Variants in KLC1 observed in about 807,000 individuals in gnomAD.
KLC1 encodes the protein kinesin light chain 1, also known as kinesin 2 60/70kDa.
A neutral mutation model predicts 84.2 loss-of-function variants in KLC1; 30 were observed. The ratio of observed to expected loss-of-function variants is 0.36; its 90% CI spans 0.27 to 0.48. The LOEUF is 0.48. Ranked by LOEUF, KLC1 falls within the 20% of genes least tolerant of loss-of-function variation. KLC1 has a pLI of 0.99. For missense variants in KLC1, 499 were observed against 805.4 expected, an observed-to-expected ratio of 0.62 and a Z score of 4.60; for synonymous variants, 289 against 293.3, an observed-to-expected ratio of 0.99 and a Z score of 0.15.
At chr14:103,669,653 C>A in intron 6 of KLC1, 55 bp downstream of exon 6, 1 of 1,199,720 alleles carries the variant, frequency 8.3e-7, no homozygotes, top group Non-Finnish European at 1.2e-6. Flanking sequence ...CCATATATTT[C>A]TTTTATCCAA....
At chr14:103,630,154 G>A (rs1210520148) in intron 1 of KLC1, among the ~76,000 whole-genome samples, 2 of 152,196 alleles carry the variant, frequency 1.3e-5, no homozygotes, top group Non-Finnish European at 2.9e-5. Context: ...CACCTAGGCT[G>A]GCGTTGCTCC....
intron 1 of KLC1, among the ~76,000 whole-genome samples, chr14:103,654,275 A>G (rs61995780): frequency 0.3 from 45,380 of 152,178 alleles, 7,409 homozygotes; most frequent in Middle Eastern, 0.38. Flanking sequence ...CACCGAGGCT[A>G]TGTGTTTTGG....
At chr14:103,639,159 G>A (rs1025030873) in intron 1 of KLC1, among the ~76,000 whole-genome samples, 6 of 152,090 alleles carry the variant, frequency 3.9e-5, no homozygotes, top group East Asian at 3.8e-4. Context: ...GGACAGATGC[G>A]AATTCTTCTT....
At chr14:103,673,839 C>T (rs2080636430) in intron 9 of KLC1, among the ~76,000 whole-genome samples, 1 of 151,994 alleles carries the variant, frequency 6.6e-6, no homozygotes, top group African/African-American at 2.4e-5. Context: ...AGGAGAATGG[C>T]GTGAACCCGG....
At chr14:103,683,905 A>G (rs1378152789) in intron 13 of KLC1, 1 of 152,180 alleles carries the variant, frequency 6.6e-6, no homozygotes, top group African/African-American at 2.4e-5. Flanking sequence ...GGGCTGGACG[A>G]GGTGGCTCAT....
chr14:103,676,409 C>T (rs562342747), intron 11 of KLC1, among the ~76,000 whole-genome samples: 1 of 152,132 alleles, frequency 6.6e-6, no homozygotes, highest in Non-Finnish European at 1.5e-5. Context: ...GCTGAGACTA[C>T]AGTCTGTCGC....
chr14:103,690,068 T>C (rs539317315), intron 14 of KLC1, among the ~76,000 whole-genome samples: 1 of 151,960 alleles, frequency 6.6e-6, no homozygotes, highest in South Asian at 2.1e-4. Context: ...TGGTCCCAGC[T>C]ACTCAGGAGG....
rs372781572 is a variant in KLC1 at position 103,645,010 on chromosome 14, G to C, written c.-1-9554G>C. ...TTCTTTTTCTTTGAGTTTCTTTCTT[G>C]TTGCCCAGGCTGGAGTGCAATGGGG... On this transcript the variant is annotated intron_variant, in intron 1 of 16. Transcript: ENST00000334553. 9.4e-4 allele frequency among the ~76,000 whole-genome samples: 141 copies of C among 150,026 alleles called. 1 individual carries two copies. The highest frequency in any genetic ancestry group is 3.4e-3 in the Middle Eastern group (1 of 294).
At chr14:103,660,561 G>A (rs1299824285) in intron 3 of KLC1, among the ~76,000 whole-genome samples, 1 of 152,022 alleles carries the variant, frequency 6.6e-6, no homozygotes, top group Non-Finnish European at 1.5e-5. Flanking sequence ...GGCTGAAGCG[G>A]GTGGATTACC....
intron 14 of KLC1, among the ~76,000 whole-genome samples, chr14:103,692,137 A>C (rs1241082309): frequency 6.6e-6 from 1 of 152,218 alleles, no homozygotes; most frequent in African/African-American, 2.4e-5. Context: ...ACTTTAAAAG[A>C]AGCATTTTGC....
chr14:103,631,963 A>G (rs750981718), intron 1 of KLC1, among the ~76,000 whole-genome samples: 25 of 152,180 alleles, frequency 1.6e-4, no homozygotes, highest in Admixed American at 6.6e-5. Context: ...AGTATTTGGG[A>G]AGATTTAAGT....
At chr14:103,661,684 C>T (rs985609076) in intron 3 of KLC1, among the ~76,000 whole-genome samples, 15 of 152,166 alleles carry the variant, frequency 9.9e-5, no homozygotes, top group African/African-American at 3.6e-4. Context: ...CCCAGGGATC[C>T]TGCCCCAGAG....
In KLC1 at chr14:103,647,349, G is replaced by A. The variant is rs190089131; in HGVS notation, c.-1-7215G>A. On this transcript the variant is annotated intron_variant, in intron 1 of 16. Transcript: ENST00000334553. ...AGCGATTCTCCTGCCTCAGCCTCCT[G>A]AGTAGCTGAGACTACAGGTGTGTGC... Among the ~76,000 whole-genome samples, 142 of 151,816 alleles carry A rather than the reference G, an allele frequency of 9.4e-4. 3 individuals carry two copies. In the East Asian group the frequency reaches 0.02, roughly 22 times the overall value.
At chr14:103,670,577 C>T (rs1366969364) in intron 7 of KLC1, among the ~76,000 whole-genome samples, 1 of 151,280 alleles carries the variant, frequency 6.6e-6, no homozygotes, top group African/African-American at 2.5e-5. Flanking sequence ...CCTCCTGATC[C>T]GCCCGCCTTG....
At position 103,692,343 on chromosome 14, in the gene KLC1, C is replaced by T. The variant is rs565047737; in HGVS notation, c.1782-16C>T. 2.3e-5 allele frequency: 35 copies of T among 1,536,344 alleles called. No homozygotes were observed. Among genetic ancestry groups the T allele is most frequent in the Middle Eastern group, 1.7e-4 (1 of 5,992 alleles). On this transcript the variant is annotated splice_polypyrimidine_tract_variant and intron_variant, in intron 14 of 16. Coordinates refer to ENST00000334553, the MANE Select transcript of KLC1 (RefSeq NM_001394837.1). ...TGCTGATCGTTTGTCCTTGCATGTC[C>T]GTGTCCGGGTTGCAGCATGAAGCGT...
chr14:103,683,436 A>G (rs1015984457), intron 13 of KLC1: 1 of 152,172 alleles, frequency 6.6e-6, no homozygotes, highest in Non-Finnish European at 1.5e-5. Flanking sequence ...TGAAAATGCA[A>G]CTGCATTGTG....
chr14:103,685,260 C>G (rs184562382), intron 13 of KLC1: 2 of 1,384,604 alleles, frequency 1.4e-6, no homozygotes, highest in Admixed American at 6.3e-5. Context: ...GAAAGTCATA[C>G]CTGTAGCCTT....
chr14:103,660,432 G>C (rs1343182182), intron 3 of KLC1, among the ~76,000 whole-genome samples: 1 of 148,320 alleles, frequency 6.7e-6, no homozygotes, highest in Non-Finnish European at 1.5e-5. Context: ...AGTGAGCCAA[G>C]ATCATGCCAC....
intron 3 of KLC1, among the ~76,000 whole-genome samples, chr14:103,661,141 C>T (rs571170616): frequency 1.6e-4 from 24 of 152,096 alleles, no homozygotes; most frequent in Non-Finnish European, 2.5e-4. Context: ...GAGGGGTTCT[C>T]CTGTGGCAGT....
Sources: gnomAD v4.1 joint callset for allele counts (sites outside exome capture counted in the v4.1 genomes callset) on GRCh38, gnomAD v4.1.1 for gene constraint, MANE v1.5 for transcripts, NCBI Gene and HGNC (gene_info 2026-07-23, HGNC 2026-07-21) for gene names.